SORCS2: variants seen among roughly 807,000 people sequenced by gnomAD.
The protein encoded by SORCS2 is VPS10 domain-containing receptor SorCS2.
Under a neutral mutation model 141.6 loss-of-function variants are expected in SORCS2, and 100 were observed. The ratio of observed to expected loss-of-function variants is 0.71; its 90% confidence interval spans 0.60 to 0.83. SORCS2 has a LOEUF of 0.83. SORCS2 is among the 40% of genes least tolerant of loss of function. The pLI, the probability that SORCS2 is intolerant of heterozygous loss-of-function variation, is 0.00. For missense variants in SORCS2, 1,646 were observed against 1,560.2 expected, an observed-to-expected ratio of 1.05 and a Z score of -0.93; for synonymous variants, 789 against 676.9, an observed-to-expected ratio of 1.17 and a Z score of -2.57.
At chr4:7,608,557 G>A (rs1718201681) in intron 3 of SORCS2, among the ~76,000 whole-genome samples, 1 of 152,174 alleles carries the variant, frequency 6.6e-6, no homozygotes, top group Non-Finnish European at 1.5e-5. Context: ...GAGGGAAGTG[G>A]GCATCCCACA....
intron 2 of SORCS2, among the ~76,000 whole-genome samples, chr4:7,530,727 C>T (rs918918142): frequency 2.0e-5 from 3 of 152,222 alleles, no homozygotes; most frequent in Non-Finnish European, 4.4e-5. Context: ...GGATGGCTTC[C>T]AAACAACAGA....
intron 1 of SORCS2, among the ~76,000 whole-genome samples, chr4:7,241,868 G>A (rs893632799): frequency 6.6e-6 from 1 of 152,232 alleles, no homozygotes; most frequent in Non-Finnish European, 1.5e-5. Context: ...GCGCTGGGAT[G>A]CTTGCTCCGC....
rs915331667 is a variant in SORCS2 at position 7,703,387 on chromosome 4, A to C, written c.1760+16A>C. ...AGATCCTCAAGTAATGGCGTCTGCTAGCCCCGGGGCAGGGAGGGCAGGCTG... is the reference window on the plus strand; with the variant it reads ...AGATCCTCAAGTAATGGCGTCTGCTCGCCCCGGGGCAGGGAGGGCAGGCTG... On this transcript the variant is annotated intron_variant, in intron 13 of 26. Coordinates refer to ENST00000507866, the MANE Select transcript of SORCS2 (RefSeq NM_020777.3). The C allele has an allele frequency of 1.9e-6, 3 of 1,607,934 alleles. No individual in the cohort carries two copies. Among genetic ancestry groups the C allele is most frequent in the African/African-American group, 2.7e-5 (2 of 74,866 alleles).
At chr4:7,335,178 C>T (rs1006755968) in intron 1 of SORCS2, among the ~76,000 whole-genome samples, 4 of 152,154 alleles carry the variant, frequency 2.6e-5, no homozygotes, top group African/African-American at 7.2e-5. Context: ...TGAGTATCCT[C>T]GTCCGGGGCA....
At chr4:7,447,307 T>C (rs770689943) in intron 2 of SORCS2, among the ~76,000 whole-genome samples, 4 of 152,190 alleles carry the variant, frequency 2.6e-5, no homozygotes, top group Non-Finnish European at 5.9e-5. Flanking sequence ...GTGAGCTGAC[T>C]TCTGCCTCCG....
intron 3 of SORCS2, among the ~76,000 whole-genome samples, chr4:7,636,658 C>T (rs1407801694): frequency 6.6e-6 from 1 of 152,148 alleles, no homozygotes; most frequent in East Asian, 1.9e-4. Flanking sequence ...GGTGTCTCCT[C>T]CTAAATGGCC....
At chr4:7,718,210 C>T in intron 18 of SORCS2, 27 bp downstream of exon 18, 1 of 1,598,370 alleles carries the variant, frequency 6.3e-7, no homozygotes, top group Non-Finnish European at 8.5e-7. Flanking sequence ...CAGCAGGCTC[C>T]TGGGACTGTC....
chr4:7,386,635 GCACA>G (rs1265972793), intron 1 of SORCS2, among the ~76,000 whole-genome samples: 1 of 149,532 alleles, frequency 6.7e-6, no homozygotes, highest in Non-Finnish European at 1.5e-5. Flanking sequence ...ATGAACACAT[GCACA>G]CACAGATACA....
intron 2 of SORCS2, among the ~76,000 whole-genome samples, chr4:7,452,025 G>A (rs1201801059): frequency 6.6e-6 from 1 of 152,130 alleles, no homozygotes; most frequent in African/African-American, 2.4e-5. Context: ...CTCCCCAGCT[G>A]CCCGGCTCCT....
At chr4:7,496,430 C>A (rs1731620161) in intron 2 of SORCS2, among the ~76,000 whole-genome samples, 1 of 27,230 alleles carries the variant, frequency 3.7e-5, no homozygotes, top group Non-Finnish European at 9.6e-5. Context: ...TACTGGAGCC[C>A]CCCCCCCCCA....
At chr4:7,501,356 A>C (rs990859391) in intron 2 of SORCS2, among the ~76,000 whole-genome samples, 1 of 152,208 alleles carries the variant, frequency 6.6e-6, no homozygotes, top group African/African-American at 2.4e-5. Context: ...CAGAAGCAGC[A>C]CACATCCGTG....
intron 2 of SORCS2, among the ~76,000 whole-genome samples, chr4:7,488,489 C>G (rs28397666): frequency 0.097 from 14,837 of 152,284 alleles, 1,011 homozygotes; most frequent in African/African-American, 0.19. Flanking sequence ...TCTACCTGGG[C>G]TCGACACACC....
At chr4:7,471,887 G>T (rs1455209076) in intron 2 of SORCS2, among the ~76,000 whole-genome samples, 2 of 152,250 alleles carry the variant, frequency 1.3e-5, no homozygotes, top group Non-Finnish European at 2.9e-5. Context: ...CACTGCACTG[G>T]CCTAGGTCCA....
chr4:7,588,013 G>A (rs927291282), intron 3 of SORCS2, among the ~76,000 whole-genome samples: 5 of 152,200 alleles, frequency 3.3e-5, no homozygotes, highest in African/African-American at 1.2e-4. Context: ...AGAACACCCA[G>A]GGGCAGAGTT....
intron 1 of SORCS2, among the ~76,000 whole-genome samples, chr4:7,276,027 T>C (rs964754797): frequency 2.0e-5 from 3 of 152,200 alleles, no homozygotes; most frequent in East Asian, 1.9e-4. Context: ...GGAGTTGCTC[T>C]GCTCATAATG....
intron 2 of SORCS2, among the ~76,000 whole-genome samples, chr4:7,507,669 C>T (rs187846515): frequency 1.3e-4 from 20 of 152,150 alleles, no homozygotes; most frequent in African/African-American, 3.4e-4. Context: ...GACGGACAGA[C>T]GCTGGGAAGG....
At chr4:7,476,319 C>T (rs1383366542) in intron 2 of SORCS2, among the ~76,000 whole-genome samples, 1 of 152,202 alleles carries the variant, frequency 6.6e-6, no homozygotes, top group Non-Finnish European at 1.5e-5. Context: ...ACCTGTAGGT[C>T]AGGCCTGCAG....
intron 2 of SORCS2, among the ~76,000 whole-genome samples, chr4:7,440,860 G>A (rs1048435013): frequency 7.9e-5 from 12 of 152,230 alleles, no homozygotes; most frequent in African/African-American, 2.7e-4. Flanking sequence ...GCTGGGAGCT[G>A]CGGGGTGAGG....
rs80307813 is a variant in SORCS2 at position 7,663,934 on chromosome 4, T to C, written c.953-419T>C. Among the ~76,000 whole-genome samples, 48 of 152,158 alleles carry C rather than the reference T, an allele frequency of 3.2e-4. 2 individuals are homozygous for C. In the East Asian group the frequency reaches 9.1e-3, roughly 29 times the overall value. On this transcript the variant is annotated intron_variant, in intron 6 of 26. Transcript: ENST00000507866. This position sits in a 1 kb window ranked among gnomAD's most constrained non-coding sequence, Gnocchi z 4.8. The stretch of plus-strand genomic sequence containing the variant: ...TTCAGTATTGCTCAACCATAAATAT[T>C]TGGAAAAGGGTAGAAGCAGTTGCTT...
Sources: allele counts gnomAD v4.1 joint callset (sites outside exome capture counted in the v4.1 genomes callset), GRCh38; gene constraint gnomAD v4.1.1; non-coding constraint Gnocchi (gnomAD v3.1); transcripts MANE v1.5; gene names NCBI Gene and HGNC (gene_info 2026-07-23, HGNC 2026-07-21).